MYH16: variants seen among roughly 807,000 people sequenced by gnomAD.
MYH16 encodes the protein myosin heavy chain 16.
At chr7:99,302,235 C>T (rs2150837278) in intron 38 of MYH16, among the ~76,000 whole-genome samples, 1 of 148,842 alleles carries the variant, frequency 6.7e-6, no homozygotes, top group South Asian at 2.1e-4. Flanking sequence ...ACCCGGGAGG[C>T]GGAAGTTGCA....
chr7:99,243,926 T>C (rs1481392826), intron 2 of MYH16, among the ~76,000 whole-genome samples: 6 of 145,032 alleles, frequency 4.1e-5, no homozygotes, highest in Non-Finnish European at 9.1e-5. Flanking sequence ...TCCATCCAAG[T>C]ATCTATCCAT....
chr7:99,252,256 T>G (rs926980706), intron 6 of MYH16, among the ~76,000 whole-genome samples: 1 of 151,984 alleles, frequency 6.6e-6, no homozygotes, highest in Non-Finnish European at 1.5e-5. Flanking sequence ...AGACGCCAAC[T>G]TGAGAGGAGC....
intron 18 of MYH16, among the ~76,000 whole-genome samples, chr7:99,269,269 TTC>T (rs1449235467): frequency 1.3e-5 from 2 of 151,688 alleles, no homozygotes; most frequent in Non-Finnish European, 2.9e-5. Flanking sequence ...ACATGAACCA[TTC>T]TCTTTTTTTT....
exon 27 of MYH16, chr7:99,285,435 C>G: frequency 2.2e-6 from 1 of 456,718 alleles, no homozygotes; most frequent in South Asian, 1.5e-5. Flanking sequence ...CCATGAGAGC[C>G]AAGGTAAATG....
At chr7:99,306,550 CACACTTAA>C (rs1792684380) in intron 41 of MYH16, 51 bp from the exon 23 acceptor site, 1 of 152,392 alleles carries the variant, frequency 6.6e-6, no homozygotes, top group Non-Finnish European at 1.5e-5. Context: ...TTTTTTAATG[CACACTTAA>C]CCAGAACCAG....
chr7:99,280,502 G>A (rs950985823), intron 22 of MYH16, among the ~76,000 whole-genome samples: 1 of 152,216 alleles, frequency 6.6e-6, no homozygotes, highest in African/African-American at 2.4e-5. Flanking sequence ...TCCCCTTCCT[G>A]CTATTGCAGG....
chr7:99,286,783 A>G (rs1468913388), intron 28 of MYH16, among the ~76,000 whole-genome samples: 1 of 146,836 alleles, frequency 6.8e-6, no homozygotes, highest in Non-Finnish European at 1.5e-5. Flanking sequence ...ACACAGCAAA[A>G]GCCCATCTCT....
At chr7:99,273,873 G>A (rs192523994) in intron 20 of MYH16, among the ~76,000 whole-genome samples, 1 of 151,756 alleles carries the variant, frequency 6.6e-6, no homozygotes, top group East Asian at 1.9e-4. Flanking sequence ...AGGGAGAGAG[G>A]AAAGGAAGGG....
chr7:99,284,800 C>T (rs1344043912), intron 25 of MYH16, 45 bp from the exon 8 acceptor site: 1 of 455,784 alleles, frequency 2.2e-6, no homozygotes, highest in Admixed American at 2.4e-5. Flanking sequence ...GCTTGCTGGT[C>T]TACCCTCAGA....
chr7:99,292,149 C>G (rs559999203), intron 31 of MYH16, among the ~76,000 whole-genome samples, 163 bp from the exon 13 acceptor site: 2 of 152,312 alleles, frequency 1.3e-5, no homozygotes, highest in South Asian at 4.2e-4. Context: ...GAAAAGAAGT[C>G]ATAGGATGAA....
At chr7:99,303,979 G>A (rs898979980) in intron 39 of MYH16, among the ~76,000 whole-genome samples, 2 of 152,090 alleles carry the variant, frequency 1.3e-5, no homozygotes, top group African/African-American at 4.8e-5. Context: ...TATCCCTTCG[G>A]GTGTTCACAC....
chr7:99,260,077 C>A, intron 11 of MYH16: 1 of 1,233,462 alleles, frequency 8.1e-7, no homozygotes, highest in Non-Finnish European at 1.1e-6. Flanking sequence ...CAAAGTTTTG[C>A]TTTGCTTGTG....
chr7:99,254,964 G>A (rs1045189477), intron 8 of MYH16, among the ~76,000 whole-genome samples: 1 of 151,964 alleles, frequency 6.6e-6, no homozygotes, highest in African/African-American at 2.4e-5. Flanking sequence ...GCAAGACCCT[G>A]TCTCTACAAA....
At chr7:99,240,841 A>AG (rs1365233306) in intron 1 of MYH16, among the ~76,000 whole-genome samples, 1 of 149,296 alleles carries the variant, frequency 6.7e-6, no homozygotes, top group Non-Finnish European at 1.5e-5. Flanking sequence ...CCTTGTCTCA[A>AG]AAAAAAAAAA....
At chr7:99,266,996 C>T (rs1324566049) in intron 18 of MYH16, 1 of 152,628 alleles carries the variant, frequency 6.6e-6, no homozygotes, top group East Asian at 1.9e-4. Context: ...TGGGCGGTCT[C>T]CCCCTACACA....
At chr7:99,292,956 T>C (rs1232486115) in intron 32 of MYH16, among the ~76,000 whole-genome samples, 1 of 65,482 alleles carries the variant, frequency 1.5e-5, no homozygotes, top group Non-Finnish European at 2.3e-5. Flanking sequence ...CAGGATCCTG[T>C]CTCTAAAAAA....
At chr7:99,294,567 ATT>A (rs1161923361) in intron 33 of MYH16, among the ~76,000 whole-genome samples, 2 of 143,606 alleles carry the variant, frequency 1.4e-5, no homozygotes, top group Admixed American at 1.4e-4. Flanking sequence ...ATATATATAT[ATT>A]TTTTTTCTTT....
intron 9 of MYH16, among the ~76,000 whole-genome samples, chr7:99,256,602 C>T (rs1418194879): frequency 2.0e-5 from 3 of 152,132 alleles, no homozygotes; most frequent in East Asian, 1.9e-4. Context: ...GGTGAAACCC[C>T]GTCTGTACTA....
intron 2 of MYH16, among the ~76,000 whole-genome samples, chr7:99,245,839 T>G (rs971757246): frequency 2.0e-5 from 3 of 152,156 alleles, no homozygotes; most frequent in African/African-American, 7.2e-5. Context: ...CTGTTCTTTT[T>G]TTTAAAACAG....
Sources: allele counts gnomAD v4.1 joint callset (sites outside exome capture counted in the v4.1 genomes callset), GRCh38; gene constraint gnomAD v4.1.1; transcripts MANE v1.5; gene names NCBI Gene and HGNC (gene_info 2026-07-23, HGNC 2026-07-21).